IL17F: variants seen among roughly 807,000 people sequenced by gnomAD.
The protein encoded by IL17F is interleukin-17F.
Under a neutral mutation model 8.3 loss-of-function variants are expected in IL17F, and 6 were observed. That is an observed-to-expected ratio of 0.73 (90% CI 0.40 to 1.43). The LOEUF is 1.43. Among genes scored for constraint, IL17F ranks in the 40% most tolerant of loss-of-function variants. The pLI is 0.02. For synonymous variants in IL17F, 98 were observed against 81.6 expected (o/e 1.20, Z -1.08); for missense variants, 204 against 209.6 (o/e 0.97, Z 0.17).
chr6:52,242,194 T>A (rs1400111562), intron 1 of IL17F, among the ~76,000 whole-genome samples: 1 of 152,144 alleles, frequency 6.6e-6, no homozygotes, highest in African/African-American at 2.4e-5. Flanking sequence ...TCGCTCTCAA[T>A]CTGTATAATA....
upstream of IL17F, among the ~76,000 whole-genome samples, chr6:52,245,098 A>T (rs968478659): frequency 2.4e-4 from 37 of 152,216 alleles, 1 homozygote; most frequent in African/African-American, 8.7e-4. Flanking sequence ...TTGTGTTGAT[A>T]AAACAAACTG....
chr6:52,242,376 C>A (rs181750989), intron 1 of IL17F, among the ~76,000 whole-genome samples: 2 of 152,190 alleles, frequency 1.3e-5, no homozygotes, highest in Admixed American at 6.5e-5. Context: ...ACCTGGCCAA[C>A]CTCTAGGTCC....
intron 1 of IL17F, 192 bp from the exon 2 acceptor site, chr6:52,239,142 C>T (rs1764024616): frequency 1.6e-6 from 1 of 607,130 alleles, no homozygotes; most frequent in South Asian, 1.9e-5. Flanking sequence ...GAACTAAACT[C>T]AGTAGCCTAG....
At chr6:52,239,014 G>A in intron 1 of IL17F, 64 bp from the exon 2 acceptor site, 3 of 1,405,330 alleles carry the variant, frequency 2.1e-6, no homozygotes, top group Non-Finnish European at 2.0e-6. Flanking sequence ...AGAGATGCAT[G>A]GTCTGGCGGA....
At chr6:52,238,428 GCTTTAAAGAACCCTCT>G (rs1179709862) in intron 2 of IL17F, among the ~76,000 whole-genome samples, 3 of 152,134 alleles carry the variant, frequency 2.0e-5, no homozygotes, top group Admixed American at 1.3e-4. Flanking sequence ...TATGCAATCT[GCTTTAAAGAACCCTCT>G]CTTCCAACAC....
chr6:52,237,219 C>T (rs752788417), intron 2 of IL17F, 51 bp from the exon 3 acceptor site: 18 of 1,408,840 alleles, frequency 1.3e-5, no homozygotes, highest in Non-Finnish European at 1.8e-5. Flanking sequence ...GGGAGGAAGA[C>T]AGCGAATGAG....
In IL17F at chr6:52,237,143, G is replaced by A. The variant is rs1409848269; in HGVS notation, c.280C>T (p.Pro94Ser). Residue 94 changes from proline (P) to serine (S), a missense_variant, in exon 3 of 3, where the codon CCC (proline) becomes TCC (serine). Coordinates refer to ENST00000336123, the MANE Select transcript of IL17F (RefSeq NM_052872.4). ...YTVTWDPNRY[P>S]SEVVQAQCRN... is the part of the protein sequence containing the mutation. Reference sequence around the variant, plus strand: ...CACTGGGCCTGTACAACTTCCGAGGGGTACCGGTTGGGGTCCCAAGTGACA... The same window carrying A: ...CACTGGGCCTGTACAACTTCCGAGGAGTACCGGTTGGGGTCCCAAGTGACA... The A allele has an allele frequency of 2.5e-6, 4 of 1,613,868 alleles. No homozygotes were observed. The highest frequency in any genetic ancestry group is 2.5e-6 in the Non-Finnish European group (3 of 1,179,948).
chr6:52,241,738 T>G (rs182003095), intron 1 of IL17F, among the ~76,000 whole-genome samples: 1 of 152,330 alleles, frequency 6.6e-6, no homozygotes, highest in Admixed American at 6.5e-5. Flanking sequence ...ATTAGACAGG[T>G]GAAAGAGTTC....
rs1248079294 is a variant in IL17F at position 52,238,871 on chromosome 6, T to C, written c.113A>G (p.His38Arg). The C allele has an allele frequency of 1.2e-6, 2 of 1,614,024 alleles. No homozygotes were observed. Among genetic ancestry groups the C allele is most frequent in the South Asian group, 1.1e-5 (1 of 91,070 alleles). ...AAARKIPKVG[H>R]TFFQKPESCP... ...ACTCTCAGGCTTTTGGAAAAAAGTA[T>C]GTCCTACTTTGGGGATTTTCCGAGC... The change falls in exon 2 of 3, where the codon CAT (histidine) becomes CGT (arginine). Residue 38 changes from histidine (H) to arginine (R), a missense_variant. Physicochemically the swap from His to Arg is conservative, Grantham distance 29 (BLOSUM62 0). Coordinates refer to ENST00000336123, the MANE Select transcript of IL17F (RefSeq NM_052872.4).
At chr6:52,240,190 A>AT (rs1041879141) in intron 1 of IL17F, among the ~76,000 whole-genome samples, 1 of 152,138 alleles carries the variant, frequency 6.6e-6, no homozygotes, top group Admixed American at 6.5e-5. Context: ...TAATCCCAGC[A>AT]TTTTGGGAAG....
chr6:52,243,381 T>C (rs1309210473), intron 1 of IL17F, among the ~76,000 whole-genome samples: 3 of 152,152 alleles, frequency 2.0e-5, no homozygotes, highest in Non-Finnish European at 4.4e-5. Flanking sequence ...TGCATTAACA[T>C]CTCTCTTTCC....
At chr6:52,239,336 A>G (rs1764028071) in intron 1 of IL17F, among the ~76,000 whole-genome samples, 1 of 152,242 alleles carries the variant, frequency 6.6e-6, no homozygotes, top group South Asian at 2.1e-4. Context: ...AGAATGTTCT[A>G]TATAAAACAC....
chr6:52,240,438 G>GAAAAA (rs34052816), intron 1 of IL17F, among the ~76,000 whole-genome samples: 1 of 96,368 alleles, frequency 1.0e-5, no homozygotes, highest in South Asian at 3.8e-4. Flanking sequence ...CTCCTGCTTG[G>GAAAAA]AAAAAAAAAA....
rs1341050944 is a variant in IL17F, at chr6:52,236,886, G to A, written c.*45C>T. The A allele has an allele frequency of 6.8e-7, 1 of 1,461,274 alleles. No individual in the cohort carries two copies. The highest frequency in any genetic ancestry group is 9.6e-7 in the Non-Finnish European group (1 of 1,040,860). 90.5% of individuals were successfully genotyped at this position (1,461,274 alleles called of 1,614,324 possible). ...GACTTGTTGCAGAGCACTGGGTAAG[G>A]AGTGGCATTTCTACAGCTTCTTCAG... On this transcript the variant is annotated 3_prime_UTR_variant, in exon 3 of 3. Coordinates refer to ENST00000336123, the MANE Select transcript of IL17F (RefSeq NM_052872.4).
intron 1 of IL17F, 28 bp from the exon 2 acceptor site, chr6:52,238,978 T>A: frequency 6.3e-7 from 1 of 1,594,438 alleles, no homozygotes; most frequent in Non-Finnish European, 8.6e-7. Context: ...CTGCAATCAG[T>A]TAGAGACTCG....
intron 1 of IL17F, among the ~76,000 whole-genome samples, chr6:52,239,891 C>A (rs12201582): frequency 0.17 from 26,400 of 152,172 alleles, 2,432 homozygotes; most frequent in African/African-American, 0.21. Context: ...AATGATGCAC[C>A]ACAAGAGAGA....
At position 52,239,066 on chromosome 6, in the gene IL17F, T is replaced by C. The variant is rs11465551; in HGVS notation, c.34-116A>G. The C allele has an allele frequency of 0.06, 53,510 of 894,890 alleles. 1,910 individuals are homozygous for C. The highest frequency in any genetic ancestry group is 0.078 in the Middle Eastern group (240 of 3,090). The allele number at this position is 894,890 out of a possible 1,614,324, so 55.4% of individuals were successfully genotyped here. On this transcript the variant is annotated intron_variant, in intron 1 of 2. Transcript: ENST00000336123. Reference sequence around the variant, plus strand: ...CTTTTATGGGATCAGGGCTTCTCTTTGCACCTCAGTTCCTCACCTGGAAAT... The same window carrying C: ...CTTTTATGGGATCAGGGCTTCTCTTCGCACCTCAGTTCCTCACCTGGAAAT...
intron 2 of IL17F, among the ~76,000 whole-genome samples, chr6:52,237,746 C>A (rs1380135885): frequency 6.6e-6 from 1 of 152,050 alleles, no homozygotes; most frequent in African/African-American, 2.4e-5. Context: ...GTGACAGGAC[C>A]CCCACCAGGT....
At chr6:52,242,363 T>G (rs1012026546) in intron 1 of IL17F, among the ~76,000 whole-genome samples, 3 of 152,222 alleles carry the variant, frequency 2.0e-5, no homozygotes, top group African/African-American at 7.2e-5. Context: ...CATGTAAGCA[T>G]GCACCTGGCC....
Sources: gnomAD v4.1 joint callset for allele counts (sites outside exome capture counted in the v4.1 genomes callset) on GRCh38, gnomAD v4.1.1 for gene constraint, MANE v1.5 for transcripts, NCBI Gene and HGNC (gene_info 2026-07-23, HGNC 2026-07-21) for gene names.